Variants in RGS20 observed in about 807,000 individuals in gnomAD.
RGS20 encodes the protein gz-selective GTPase-activating protein.
RGS20 carries 30 observed loss-of-function variants against 33.6 expected under a neutral mutation model. The observed-to-expected ratio is 0.89, with a 90% CI of 0.67 to 1.21. The LOEUF is 1.21. Ranked by LOEUF, RGS20 falls within the 50% of genes most tolerant of loss-of-function variation. The pLI is 0.00. For missense variants in RGS20, 472 were observed against 502.4 expected (o/e 0.94, Z 0.58); for synonymous variants, 208 against 197.9 (o/e 1.05, Z -0.43).
At chr8:53,880,600 A>T (rs1035970883) in intron 2 of RGS20, among the ~76,000 whole-genome samples, 2 of 152,092 alleles carry the variant, frequency 1.3e-5, no homozygotes, top group Non-Finnish European at 2.9e-5. Flanking sequence ...AGCACACTCT[A>T]GTCTCGCTCG....
At chr8:53,953,623 A>G (rs764077648) in intron 4 of RGS20, among the ~76,000 whole-genome samples, 4 of 152,182 alleles carry the variant, frequency 2.6e-5, no homozygotes, top group Non-Finnish European at 5.9e-5. Flanking sequence ...CAAATATTAT[A>G]TAATTTTAAA....
intron 2 of RGS20, among the ~76,000 whole-genome samples, chr8:53,934,699 A>G (rs961570326): frequency 6.6e-6 from 1 of 152,206 alleles, no homozygotes; most frequent in Non-Finnish European, 1.5e-5. Flanking sequence ...TAGACAGATT[A>G]ACGAGACAGA....
chr8:53,917,148 T>G (rs1813512169), intron 2 of RGS20, among the ~76,000 whole-genome samples: 2 of 151,982 alleles, frequency 1.3e-5, no homozygotes, highest in South Asian at 4.1e-4. Flanking sequence ...TTTTTTGTTT[T>G]GTTTTGTTTT....
chr8:53,937,385 A>C (rs999641479), intron 2 of RGS20, among the ~76,000 whole-genome samples: 3 of 152,118 alleles, frequency 2.0e-5, no homozygotes, highest in Admixed American at 2.0e-4. Flanking sequence ...AGTTAAATCA[A>C]GATGGATTAA....
In RGS20 at chr8:53,906,058, T is replaced by C. The variant is rs534949253; in HGVS notation, c.510+26456T>C. 4.6e-5 allele frequency among the ~76,000 whole-genome samples: 7 copies of C among 152,176 alleles called. No homozygotes were observed. The South Asian group carries it at 1.5e-3, about 32-fold the overall frequency. ...AGGGGCCTGGGTCACAGGGTCCCCC[T>C]CCTCCACCCACAAGTGAACATCCAA... On this transcript the variant is annotated intron_variant, in intron 2 of 5. Coordinates refer to ENST00000297313, the MANE Select transcript of RGS20 (RefSeq NM_170587.4).
At chr8:53,917,894 T>G (rs184403860) in intron 2 of RGS20, among the ~76,000 whole-genome samples, 1 of 152,326 alleles carries the variant, frequency 6.6e-6, no homozygotes, top group East Asian at 1.9e-4. Context: ...CCGTTCTCTC[T>G]CCCTGCTCCC....
chr8:53,921,550 G>T (rs1813647282), intron 2 of RGS20, among the ~76,000 whole-genome samples: 1 of 150,424 alleles, frequency 6.6e-6, no homozygotes, highest in South Asian at 2.1e-4. Flanking sequence ...GTTCCATTTA[G>T]ATTTTTTCTT....
intron 2 of RGS20, among the ~76,000 whole-genome samples, chr8:53,897,883 T>C (rs893301521): frequency 7.2e-5 from 11 of 152,204 alleles, no homozygotes; most frequent in Admixed American, 7.2e-4. Context: ...GGACATTATT[T>C]CTAAAAGCTT....
intron 2 of RGS20, among the ~76,000 whole-genome samples, chr8:53,935,279 A>G (rs1814096749): frequency 6.6e-6 from 1 of 151,156 alleles, no homozygotes; most frequent in Non-Finnish European, 1.5e-5. Flanking sequence ...CTGAAGGAGG[A>G]CACCAAAAAA....
intron 2 of RGS20, among the ~76,000 whole-genome samples, chr8:53,908,600 A>T (rs1813248782): frequency 6.6e-6 from 1 of 151,514 alleles, no homozygotes; most frequent in South Asian, 2.1e-4. Flanking sequence ...AGATCATGCC[A>T]TTGCACTCCA....
intron 1 of RGS20, among the ~76,000 whole-genome samples, chr8:53,855,694 C>T (rs1487507714): frequency 1.3e-5 from 2 of 152,204 alleles, no homozygotes; most frequent in Non-Finnish European, 2.9e-5. Context: ...ACTGGGTGAT[C>T]AGTACACGGG....
chr8:53,889,868 T>C (rs1366130392), intron 2 of RGS20, among the ~76,000 whole-genome samples: 1 of 152,176 alleles, frequency 6.6e-6, no homozygotes, highest in East Asian at 1.9e-4. Flanking sequence ...GAAGGTAGCC[T>C]GTTGTTATCC....
At chr8:53,872,330 C>T (rs551420389) in intron 1 of RGS20, among the ~76,000 whole-genome samples, 9 of 152,326 alleles carry the variant, frequency 5.9e-5, no homozygotes, top group Admixed American at 1.3e-4. Context: ...AACTAGATGT[C>T]TCTCTTGCTG....
chr8:53,927,201 GTTT>G (rs553191513), intron 2 of RGS20, among the ~76,000 whole-genome samples: 11 of 126,918 alleles, frequency 8.7e-5, no homozygotes, highest in South Asian at 2.6e-4. Flanking sequence ...TTTTTGGGGC[GTTT>G]TTTTTTTTTT....
At position 53,958,325 on chromosome 8, in the gene RGS20, C is replaced by A; in HGVS notation, c.1034C>A (p.Ser345Tyr). The change falls in exon 6 of 6, where the codon TCC becomes TAC. Residue 345 changes from serine (S) to tyrosine (Y), a missense_variant. By Grantham distance (144) the Ser-to-Tyr change is moderately radical. Transcript: ENST00000297313. ...ATCAACAGAAACATGGTGGAGCCAT[C>A]CCAACACATATTCGATGATGCTCAA... 1 of 1,613,718 alleles carries A rather than the reference C, an allele frequency of 6.2e-7. No individual in the cohort carries two copies. The highest frequency in any genetic ancestry group is 8.5e-7 in the Non-Finnish European group (1 of 1,179,862).
rs150578002 is a variant in RGS20, at chr8:53,895,938, C to T, written c.510+16336C>T. The stretch of plus-strand genomic sequence containing the variant: ...CTGGGTTTACAGGCATGAGCCACCA[C>T]GCCCAGCCAAGAATGGTTTTTACAT... On this transcript the variant is annotated intron_variant, in intron 2 of 5. Coordinates refer to ENST00000297313, the MANE Select transcript of RGS20 (RefSeq NM_170587.4). 4.2e-3 allele frequency among the ~76,000 whole-genome samples: 642 copies of T among 151,982 alleles called. 5 individuals are homozygous for T. The highest frequency in any genetic ancestry group is 0.014 in the African/African-American group (574 of 41,486).
chr8:53,903,096 T>G (rs138414917), intron 2 of RGS20, among the ~76,000 whole-genome samples: 444 of 152,378 alleles, frequency 2.9e-3, no homozygotes, highest in Non-Finnish European at 4.6e-3. Context: ...GCAGTTAATT[T>G]TATTTCCTCT....
At chr8:53,941,396 T>C (rs1263621753) in intron 3 of RGS20, among the ~76,000 whole-genome samples, 1 of 151,988 alleles carries the variant, frequency 6.6e-6, no homozygotes, top group Non-Finnish European at 1.5e-5. Context: ...GTTTACTGCC[T>C]GCAAACCTAA....
At chr8:53,957,454 A>G (rs988927791) in intron 5 of RGS20, among the ~76,000 whole-genome samples, 2 of 152,238 alleles carry the variant, frequency 1.3e-5, no homozygotes, top group African/African-American at 4.8e-5. Context: ...GGAACCTTCC[A>G]GGGTTTTGAG....
Sources: gnomAD v4.1 joint callset for allele counts (sites outside exome capture counted in the v4.1 genomes callset) on GRCh38, gnomAD v4.1.1 for gene constraint, MANE v1.5 for transcripts, NCBI Gene and HGNC (gene_info 2026-07-23, HGNC 2026-07-21) for gene names.